Variants in ATPSCKMT observed in about 807,000 individuals in gnomAD.
ATPSCKMT encodes the protein ATP synthase subunit C lysine N-methyltransferase.
In ATPSCKMT, 24 loss-of-function variants were observed where a neutral mutation model predicts 24.3. That is an observed-to-expected ratio of 0.99 (90% CI 0.71 to 1.39). ATPSCKMT has a LOEUF of 1.39. Ranked by LOEUF, ATPSCKMT falls within the 40% of genes most tolerant of loss-of-function variation. ATPSCKMT has a pLI of 0.00. For missense variants in ATPSCKMT, 311 were observed against 298.4 expected (o/e 1.04, Z -0.31); for synonymous variants, 95 against 110.5 (o/e 0.86, Z 0.88).
At chr5:10,240,070 CAAAAAAA>C (rs35083577) in intron 1 of ATPSCKMT, among the ~76,000 whole-genome samples, 1 of 141,634 alleles carries the variant, frequency 7.1e-6, no homozygotes, top group Admixed American at 6.9e-5. Context: ...ACTAAAAATA[CAAAAAAA>C]AAAAAAATTA....
Position 10,225,806 on chromosome 5 carries a change from G to A in ATPSCKMT, c.*1635C>T, listed in dbSNP as rs1743852270. Reference sequence around the variant, plus strand: ...CCCACCAGGAACACTTCTAGAAAATGTTGAACACCTCCGAGGCCCCACAGA... The same window carrying A: ...CCCACCAGGAACACTTCTAGAAAATATTGAACACCTCCGAGGCCCCACAGA... On this transcript the variant is annotated 3_prime_UTR_variant, in exon 5 of 5. Coordinates refer to ENST00000511437, the MANE Select transcript of ATPSCKMT (RefSeq NM_199133.4). 6.6e-6 allele frequency among the ~76,000 whole-genome samples: 1 copy of A among 152,090 alleles called. No homozygotes were observed.
In ATPSCKMT at chr5:10,230,890, T is replaced by C. The variant is rs186834803; in HGVS notation, c.496-3243A>G. On this transcript the variant is annotated intron_variant, in intron 4 of 4. Transcript: ENST00000511437. ...CAGAGCTCATGCCTTCAACAGCTCA[T>C]CCTCGTGCTCCCCATGGAGTCTCAG... 2.0e-5 allele frequency among the ~76,000 whole-genome samples: 3 copies of C among 152,162 alleles called. No homozygotes were observed. The East Asian group carries it at 5.8e-4, about 29-fold the overall frequency.
chr5:10,238,548 G>A (rs75331356), intron 2 of ATPSCKMT, among the ~76,000 whole-genome samples: 4 of 152,198 alleles, frequency 2.6e-5, no homozygotes, highest in Non-Finnish European at 5.9e-5. Context: ...TTGCCCATCA[G>A]TGGCCTTTTA....
At chr5:10,245,897 G>A (rs1579434769) in intron 1 of ATPSCKMT, among the ~76,000 whole-genome samples, 1 of 152,150 alleles carries the variant, frequency 6.6e-6, no homozygotes, top group Admixed American at 6.5e-5. Context: ...CATATGCAAG[G>A]AGGGGCTCAA....
chr5:10,236,408 C>G, intron 3 of ATPSCKMT, 70 bp downstream of exon 3: 1 of 1,522,686 alleles, frequency 6.6e-7, no homozygotes, highest in South Asian at 1.2e-5. Context: ...TTTCAGTTCT[C>G]AGTCATACTA....
At chr5:10,241,256 C>T (rs1288394433) in intron 1 of ATPSCKMT, among the ~76,000 whole-genome samples, 1 of 152,086 alleles carries the variant, frequency 6.6e-6, no homozygotes, top group Non-Finnish European at 1.5e-5. Flanking sequence ...TAACACTGGG[C>T]CCACATAAAT....
At chr5:10,233,393 C>T (rs890442140) in intron 4 of ATPSCKMT, among the ~76,000 whole-genome samples, 1 of 152,154 alleles carries the variant, frequency 6.6e-6, no homozygotes, top group Non-Finnish European at 1.5e-5. Context: ...AGCATGAAGA[C>T]AGCAAGCTGG....
intron 1 of ATPSCKMT, 115 bp from the exon 2 acceptor site, chr5:10,239,471 T>G (rs991172147): frequency 1.3e-5 from 12 of 895,182 alleles, no homozygotes; most frequent in Non-Finnish European, 1.7e-5. Context: ...AAGGATAATT[T>G]AGCTGAATAC....
At chr5:10,246,284 A>T (rs1744921740) in intron 1 of ATPSCKMT, among the ~76,000 whole-genome samples, 1 of 152,082 alleles carries the variant, frequency 6.6e-6, no homozygotes, top group Non-Finnish European at 1.5e-5. Flanking sequence ...CCAAAAAAAA[A>T]TTAGCCAGGC....
intron 1 of ATPSCKMT, among the ~76,000 whole-genome samples, chr5:10,240,023 G>T (rs148724116): frequency 0.045 from 6,801 of 150,932 alleles, 165 homozygotes; most frequent in Middle Eastern, 0.062. Context: ...TCAGGACATC[G>T]AGACCATCCT....
intron 1 of ATPSCKMT, among the ~76,000 whole-genome samples, chr5:10,242,658 T>C (rs1253480425): frequency 6.6e-6 from 1 of 152,254 alleles, no homozygotes; most frequent in Non-Finnish European, 1.5e-5. Flanking sequence ...CTGAAGGTTT[T>C]GAATTGACTT....
Position 10,226,480 on chromosome 5 carries a change from T to C in ATPSCKMT, c.*961A>G, listed in dbSNP as rs1174359689. ...GAATGACTCAAGCTACCATTCAATA[T>C]TCACTTTACAGATATATGAAGCTTG... On this transcript the variant is annotated 3_prime_UTR_variant, in exon 5 of 5. Coordinates refer to ENST00000511437, the MANE Select transcript of ATPSCKMT (RefSeq NM_199133.4). The C allele has an allele frequency of 1.3e-5, 2 of 152,266 alleles. No individual in the cohort carries two copies. The highest frequency in any genetic ancestry group is 2.9e-5 in the Non-Finnish European group (2 of 68,040). The allele number at this position is 152,266 out of a possible 1,614,324, so 9.4% of individuals were successfully genotyped here.
intron 1 of ATPSCKMT, among the ~76,000 whole-genome samples, chr5:10,243,888 C>A (rs191219225): frequency 6.6e-6 from 1 of 152,346 alleles, no homozygotes; most frequent in African/African-American, 2.4e-5. Context: ...TTTCTCTTTG[C>A]ATTCACAACC....
At position 10,239,132 on chromosome 5, in the gene ATPSCKMT, C is replaced by T. The variant is rs768809158; in HGVS notation, c.241G>A (p.Val81Ile). The change falls in exon 2 of 5, where the codon GTT becomes ATT. Residue 81 changes from valine (V) to isoleucine (I), a missense_variant. Coordinates refer to ENST00000511437, the MANE Select transcript of ATPSCKMT (RefSeq NM_199133.4). ...VPATTKQIEN[V>I]VKMLRCRRGS... ...CTTCGGCATCGCAACATTTTCACAACATTTTCAATCTGCTTCGTAGTTGCA... is the reference window on the plus strand; with the variant it reads ...CTTCGGCATCGCAACATTTTCACAATATTTTCAATCTGCTTCGTAGTTGCA... 9 of 1,614,234 alleles carry T rather than the reference C, an allele frequency of 5.6e-6. No individual in the cohort carries two copies. The highest frequency in any genetic ancestry group is 7.6e-6 in the Non-Finnish European group (9 of 1,180,052).
At chr5:10,245,230 C>T (rs1290250186) in intron 1 of ATPSCKMT, among the ~76,000 whole-genome samples, 2 of 151,430 alleles carry the variant, frequency 1.3e-5, no homozygotes, top group Non-Finnish European at 2.9e-5. Context: ...ACTATCCTGG[C>T]TAACACAGTG....
rs1238405403 is a variant in ATPSCKMT at position 10,235,267 on chromosome 5, C to T, written c.445-6G>A. 6.8e-6 allele frequency: 11 copies of T among 1,612,332 alleles called. No individual in the cohort carries two copies. Among genetic ancestry groups the T allele is most frequent in the Non-Finnish European group, 9.3e-6 (11 of 1,178,908 alleles). ...GAGTACTGCGAAAAAGTAACCTGAA[C>T]AAGGTGGGAAAATAATCAGTAGATT... On this transcript the variant is annotated splice_region_variant and splice_polypyrimidine_tract_variant and intron_variant, in intron 3 of 4. Coordinates refer to ENST00000511437, the MANE Select transcript of ATPSCKMT (RefSeq NM_199133.4).
intron 4 of ATPSCKMT, among the ~76,000 whole-genome samples, chr5:10,228,301 T>C (rs1244826609): frequency 6.6e-6 from 1 of 152,172 alleles, no homozygotes; most frequent in African/African-American, 2.4e-5. Flanking sequence ...AGTTAGACTA[T>C]GAAAAAATAT....
rs142246363 is a variant in ATPSCKMT, at chr5:10,245,857, A to G, written c.16+4001T>C. On this transcript the variant is annotated intron_variant, in intron 1 of 4. Transcript: ENST00000511437. ...AAGCCTGAGAGGCTAAGTAATGACTATTAATTGCTATTATTATTCTCAATA... is the reference window on the plus strand; with the variant it reads ...AAGCCTGAGAGGCTAAGTAATGACTGTTAATTGCTATTATTATTCTCAATA... 1.9e-3 allele frequency among the ~76,000 whole-genome samples: 283 copies of G among 152,344 alleles called. 1 individual carries two copies. Among genetic ancestry groups the G allele is most frequent in the Non-Finnish European group, 2.5e-3 (171 of 68,024 alleles).
intron 1 of ATPSCKMT, among the ~76,000 whole-genome samples, chr5:10,241,295 C>T (rs1214126175): frequency 6.6e-6 from 1 of 152,154 alleles, no homozygotes; most frequent in Non-Finnish European, 1.5e-5. Context: ...ATCTCAAGAC[C>T]ACTGATTACA....
Sources: allele counts gnomAD v4.1 joint callset (sites outside exome capture counted in the v4.1 genomes callset), GRCh38; gene constraint gnomAD v4.1.1; transcripts MANE v1.5; gene names NCBI Gene and HGNC (gene_info 2026-07-23, HGNC 2026-07-21).